Variants in DNAJB6 observed in about 807,000 individuals in gnomAD.
The protein encoded by DNAJB6 is dnaJ homolog subfamily B member 6.
Under a neutral mutation model 42.7 loss-of-function variants are expected in DNAJB6, and 16 were observed. The observed-to-expected ratio is 0.37, with a 90% CI of 0.25 to 0.57. The LOEUF is 0.57. Among genes scored for constraint, DNAJB6 ranks in the 20% least tolerant of loss-of-function variants. The probability of loss-of-function intolerance (pLI) is 0.74; values close to 1 mark genes in which losing one functional copy is unlikely to be tolerated. For synonymous variants in DNAJB6, 170 were observed against 163.5 expected (o/e 1.04, Z -0.30); for missense variants, 347 against 416.8 (o/e 0.83, Z 1.46).
intron 1 of DNAJB6, among the ~76,000 whole-genome samples, chr7:157,350,217 C>G (rs1267522341): frequency 3.3e-5 from 5 of 152,064 alleles, no homozygotes; most frequent in Admixed American, 6.6e-5. Context: ...GGACTGGGGG[C>G]ACTAAGACAT....
At chr7:157,409,205 T>C (rs1795879392) in intron 8 of DNAJB6, among the ~76,000 whole-genome samples, 1 of 152,202 alleles carries the variant, frequency 6.6e-6, no homozygotes, top group Non-Finnish European at 1.5e-5. Context: ...AAGCACAACT[T>C]TTCAGAGCGT....
intron 8 of DNAJB6, among the ~76,000 whole-genome samples, chr7:157,388,001 A>C (rs1801156732): frequency 6.6e-6 from 1 of 151,954 alleles, no homozygotes; most frequent in Non-Finnish European, 1.5e-5. Context: ...ACCCACCACC[A>C]CACTCAGCTA....
intron 6 of DNAJB6, among the ~76,000 whole-genome samples, chr7:157,383,634 TGTGTG>T (rs1800902420): frequency 6.7e-6 from 1 of 148,628 alleles, no homozygotes. Flanking sequence ...TGTGTGTGTG[TGTGTG>T]TGTGGTGGGG....
At chr7:157,406,153 C>T (rs1795759825) in intron 8 of DNAJB6, among the ~76,000 whole-genome samples, 1 of 152,264 alleles carries the variant, frequency 6.6e-6, no homozygotes. Flanking sequence ...CCTGCTGGCA[C>T]ATCTGTGTCC....
chr7:157,386,015 T>C, intron 8 of DNAJB6: 2 of 994,976 alleles, frequency 2.0e-6, no homozygotes, highest in Non-Finnish European at 2.4e-6. Flanking sequence ...GTCGGCCTGC[T>C]GTGAAGTTAA....
intron 1 of DNAJB6, among the ~76,000 whole-genome samples, chr7:157,353,619 G>GTGTGTGTGTGTGTA (rs765489885): frequency 0.024 from 3,502 of 146,456 alleles, 37 homozygotes; most frequent in Middle Eastern, 0.031. Flanking sequence ...GTGTGTGTGT[G>GTGTGTGTGTGTGTA]TGTATGTATT....
intron 8 of DNAJB6, among the ~76,000 whole-genome samples, chr7:157,388,641 G>A (rs10225231): frequency 2.0e-5 from 3 of 150,070 alleles, no homozygotes; most frequent in African/African-American, 4.9e-5. Flanking sequence ...TAGCTTTTGG[G>A]GGGGGGGTAA....
Position 157,346,688 on chromosome 7 carries a change from G to T in DNAJB6, c.-27+9544G>T, listed in dbSNP as rs1798705880. Among the ~76,000 whole-genome samples, 4 of 152,166 alleles carry T rather than the reference G, an allele frequency of 2.6e-5. No individual in the cohort carries two copies. The South Asian group carries it at 8.3e-4, about 32-fold the overall frequency. On this transcript the variant is annotated intron_variant, in intron 1 of 9. Transcript: ENST00000262177. ...AATTTGAATGCAGGTAACCTTTCAT[G>T]GAGTTTGTCAAATTTTAAATTGTGT...
intron 5 of DNAJB6, among the ~76,000 whole-genome samples, chr7:157,370,354 C>T (rs72505536): frequency 0.019 from 2,843 of 152,068 alleles, 133 homozygotes; most frequent in East Asian, 0.18. Context: ...TTAAACAGGC[C>T]GTTTCTCAAC....
At chr7:157,389,498 A>C (rs1801235870) in intron 8 of DNAJB6, among the ~76,000 whole-genome samples, 1 of 152,196 alleles carries the variant, frequency 6.6e-6, no homozygotes, top group Non-Finnish European at 1.5e-5. Flanking sequence ...TGAATTACAT[A>C]ACCCACTGCT....
chr7:157,342,462 C>T (rs1383829160), intron 1 of DNAJB6, among the ~76,000 whole-genome samples: 1 of 151,414 alleles, frequency 6.6e-6, no homozygotes, highest in South Asian at 2.1e-4. Context: ...CTCAGCCTCC[C>T]GAGTACATGG....
intron 8 of DNAJB6, among the ~76,000 whole-genome samples, chr7:157,408,214 G>A (rs941190543): frequency 1.3e-5 from 2 of 152,158 alleles, no homozygotes; most frequent in African/African-American, 2.4e-5. Flanking sequence ...CAGGACGCGC[G>A]GGCCGGGTGT....
chr7:157,349,862 C>T (rs886848531), intron 1 of DNAJB6, among the ~76,000 whole-genome samples: 1 of 151,994 alleles, frequency 6.6e-6, no homozygotes, highest in South Asian at 2.1e-4. Flanking sequence ...AGGCTGGTCT[C>T]GAACTCCTGG....
chr7:157,403,730 C>T (rs959654535), intron 8 of DNAJB6, among the ~76,000 whole-genome samples: 10 of 152,216 alleles, frequency 6.6e-5, no homozygotes, highest in Admixed American at 6.5e-4. Context: ...TTTTGGGGTC[C>T]TGAGATTCAT....
intron 1 of DNAJB6, among the ~76,000 whole-genome samples, chr7:157,358,336 C>G (rs1045184778): frequency 1.3e-4 from 20 of 152,134 alleles, no homozygotes; most frequent in Non-Finnish European, 5.9e-5. Flanking sequence ...TTCCCCGTCT[C>G]TAGAAGGGTC....
In DNAJB6 at chr7:157,417,411, A is replaced by G. The variant is rs1796127044; in HGVS notation, c.*1313A>G. The G allele has an allele frequency of 6.6e-6, 1 of 152,276 alleles. No individual in the cohort carries two copies. 9.4% of individuals were successfully genotyped at this position (152,276 alleles called of 1,614,324 possible). On this transcript the variant is annotated 3_prime_UTR_variant, in exon 10 of 10. Coordinates refer to ENST00000262177, the MANE Select transcript of DNAJB6 (RefSeq NM_058246.4). ...ATCATGTATTTTAAATGCCACCTAC[A>G]TAAATAAAACATAAGCATATTGAAT...
intron 3 of DNAJB6, 44 bp downstream of exon 3, chr7:157,363,314 G>C: frequency 7.4e-7 from 1 of 1,351,946 alleles, no homozygotes; most frequent in South Asian, 1.2e-5. Flanking sequence ...CGGGCATGCC[G>C]GAATGCGGAG....
At chr7:157,364,437 T>C (rs1340286830) in intron 3 of DNAJB6, among the ~76,000 whole-genome samples, 1 of 152,240 alleles carries the variant, frequency 6.6e-6, no homozygotes, top group Admixed American at 6.5e-5. Flanking sequence ...GTTGAGCTTA[T>C]TCATTGGAAA....
chr7:157,377,095 G>A (rs1417342480), intron 5 of DNAJB6, among the ~76,000 whole-genome samples: 1 of 152,180 alleles, frequency 6.6e-6, no homozygotes, highest in Non-Finnish European at 1.5e-5. Flanking sequence ...CATAGTGGCT[G>A]CCCTTAGAGA....
Sources: gnomAD v4.1 joint callset for allele counts (sites outside exome capture counted in the v4.1 genomes callset) on GRCh38, gnomAD v4.1.1 for gene constraint, MANE v1.5 for transcripts, NCBI Gene and HGNC (gene_info 2026-07-23, HGNC 2026-07-21) for gene names.